TP53BP1: variants seen among roughly 807,000 people sequenced by gnomAD.
The protein encoded by TP53BP1 is tumor protein p53 binding protein 1, also known as TP53-binding protein 1.
TP53BP1 carries 61 observed loss-of-function variants against 200.8 expected under a neutral mutation model. That is an observed-to-expected ratio of 0.30 (90% CI 0.25 to 0.38). The LOEUF is 0.38. TP53BP1 is among the 10% of genes least tolerant of loss of function. The pLI is 1.00. For synonymous variants in TP53BP1, 822 were observed against 844.3 expected (o/e 0.97, Z 0.46); for missense variants, 2,144 against 2,371.9 (o/e 0.90, Z 2.00).
rs368585225 is a variant in TP53BP1, at chr15:43,445,693, T to A, written c.3040+694A>T. Among the ~76,000 whole-genome samples the A allele has an allele frequency of 3.2e-4, 48 of 152,266 alleles. No homozygotes were observed. In the East Asian group the frequency reaches 3.3e-3, roughly 10 times the overall value. On this transcript the variant is annotated intron_variant, in intron 14 of 27. Coordinates refer to ENST00000382044, the MANE Select transcript of TP53BP1 (RefSeq NM_001141980.3). ...TATATGTGAAGAGTCATTCTCTCTT[T>A]TTTTCCTCCCCCTTACTTCCATATT...
rs147001430 is a variant in TP53BP1, at chr15:43,438,339, G to A, written c.3176C>T (p.Pro1059Leu). Residue 1059 changes from proline (P) to leucine (L), a missense_variant, in exon 16 of 28, where the codon CCC becomes CTC. By Grantham distance (98) the Pro-to-Leu change is moderately conservative. Coordinates refer to ENST00000382044, the MANE Select transcript of TP53BP1 (RefSeq NM_001141980.3). ...QENEARSEDP[P>L]TTPIRGNLLH... ...TAATGCTTACCTGATGGGTGTGGTG[G>A]GGGGATCCTCACTTCGAGCCTCATT... 18 of 1,613,620 alleles carry A rather than the reference G, an allele frequency of 1.1e-5. No individual in the cohort carries two copies. The highest frequency in any genetic ancestry group is 6.7e-5 in the African/African-American group (5 of 75,008).
chr15:43,429,333 T>C (rs2045620053), intron 17 of TP53BP1, among the ~76,000 whole-genome samples: 1 of 152,314 alleles, frequency 6.6e-6, no homozygotes, highest in East Asian at 1.9e-4. Flanking sequence ...AAAAAATACA[T>C]GTTTTCTAAT....
chr15:43,420,675 A>C lies in TP53BP1; in HGVS notation c.4311T>G (p.Asp1437Glu). Residue 1437 changes from aspartate to glutamate, a missense_variant, in exon 21 of 28, where the codon GAT (aspartate) becomes GAG (glutamate). Asp to Glu is a conservative substitution (Grantham distance 45, BLOSUM62 2). Coordinates refer to ENST00000382044, the MANE Select transcript of TP53BP1 (RefSeq NM_001141980.3). ...GCACGACACGGCTGAAGGATTTATC[A>C]TCTGGTGACAAGTTAGGTGAAATGT... The part of the protein sequence containing the change: ...IEDISPNLSP[D>E]DKSFSRVVPR... 1 of 1,614,230 alleles carries C rather than the reference A, an allele frequency of 6.2e-7. No individual in the cohort carries two copies. The highest frequency in any genetic ancestry group is 8.5e-7 in the Non-Finnish European group (1 of 1,180,044).
rs141399824 is a variant in TP53BP1 at position 43,412,225 on chromosome 15, G to A, written c.5305+894C>T. On this transcript the variant is annotated intron_variant, in intron 24 of 27. Transcript: ENST00000382044. ...CTGCAGTCGGTGAGATATAGTTTTG[G>A]TTAATTAGGAAAGAGTCATCCACAC... Among the ~76,000 whole-genome samples the A allele has an allele frequency of 2.6e-4, 40 of 152,280 alleles. No homozygotes were observed. The East Asian group carries it at 7.7e-3, about 29-fold the overall frequency.
intron 13 of TP53BP1, chr15:43,446,981 T>C (rs1267248436): frequency 1.1e-5 from 6 of 522,598 alleles, no homozygotes; most frequent in African/African-American, 7.7e-5. Flanking sequence ...ATCTAAGTTT[T>C]CTTGCCCTGT....
intron 24 of TP53BP1, among the ~76,000 whole-genome samples, chr15:43,410,555 TAAAAA>T (rs553092789): frequency 2.8e-5 from 4 of 142,738 alleles, no homozygotes; most frequent in Middle Eastern, 3.6e-3. Context: ...AATAACACAT[TAAAAA>T]AAAAAAGAAA....
chr15:43,411,633 G>A (rs1169689902), intron 24 of TP53BP1, among the ~76,000 whole-genome samples: 1 of 152,248 alleles, frequency 6.6e-6, no homozygotes, highest in African/African-American at 2.4e-5. Context: ...TTCTGGTACT[G>A]TTGGGCTGCG....
Position 43,415,916 on chromosome 15 carries a change from C to A in TP53BP1, c.4874-107G>T, listed in dbSNP as rs955790289. The A allele has an allele frequency of 7.5e-6, 7 of 938,654 alleles. No homozygotes were observed. The East Asian group carries it at 9.6e-5, about 13-fold the overall frequency. 58.1% of individuals were successfully genotyped at this position (938,654 alleles called of 1,614,324 possible). A position where few individuals can be genotyped will look rare whatever the true frequency, so the allele number is the denominator to read the frequency against. On this transcript the variant is annotated intron_variant, in intron 22 of 27. Transcript: ENST00000382044. ...TCAGACACCACAGTGTTCCTTCCCCCACTTCCCATGAGGCCAAGAAGCTTC... is the reference window on the plus strand; with the variant it reads ...TCAGACACCACAGTGTTCCTTCCCCAACTTCCCATGAGGCCAAGAAGCTTC...
At chr15:43,421,671 A>G in intron 19 of TP53BP1, 184 bp downstream of exon 19, 1 of 809,738 alleles carries the variant, frequency 1.2e-6, no homozygotes, top group Non-Finnish European at 1.9e-6. Flanking sequence ...TACCTGCCAC[A>G]GGGCTCCACC....
intron 19 of TP53BP1, 41 bp downstream of exon 19, chr15:43,421,814 C>T: frequency 6.2e-7 from 1 of 1,609,174 alleles, no homozygotes; most frequent in South Asian, 1.1e-5. Flanking sequence ...AGCAACCCTG[C>T]CCCTGCTGTG....
chr15:43,458,123 C>T (rs564257788), intron 11 of TP53BP1, among the ~76,000 whole-genome samples: 5 of 152,154 alleles, frequency 3.3e-5, no homozygotes, highest in Admixed American at 3.3e-4. Flanking sequence ...TGAAATACCA[C>T]TACACGCAAC....
intron 18 of TP53BP1, 73 bp from the exon 19 acceptor site, chr15:43,422,199 T>C (rs1322579021): frequency 8.6e-6 from 13 of 1,504,532 alleles, no homozygotes; most frequent in Non-Finnish European, 1.2e-5. Flanking sequence ...GGTTGGAAAA[T>C]CCTACAGATG....
intron 11 of TP53BP1, among the ~76,000 whole-genome samples, chr15:43,465,484 C>T (rs2046553242): frequency 1.3e-5 from 2 of 150,548 alleles, no homozygotes; most frequent in African/African-American, 4.9e-5. Flanking sequence ...AAGTAGGAGG[C>T]AAAATAAAAT....
rs754091013 is a variant in TP53BP1 at position 43,475,539 on chromosome 15, G to C, written c.1085+26C>G. On this transcript the variant is annotated intron_variant, in intron 9 of 27. Coordinates refer to ENST00000382044, the MANE Select transcript of TP53BP1 (RefSeq NM_001141980.3). ...AGACTCTCAGGCACATACTGCCTTG[G>C]CATAAGCTATTTTAGGCTTACTTAC... 3 of 1,613,314 alleles carry C rather than the reference G, an allele frequency of 1.9e-6. No individual in the cohort carries two copies. The Admixed American group carries it at 5.0e-5, about 27-fold the overall frequency.
intron 22 of TP53BP1, 53 bp from the exon 23 acceptor site, chr15:43,415,862 G>A: frequency 6.8e-7 from 1 of 1,469,650 alleles, no homozygotes; most frequent in Non-Finnish European, 9.4e-7. Flanking sequence ...ATGAGGCCCT[G>A]AACTCCAAGA....
At chr15:43,476,610 G>T (rs950058007) in intron 8 of TP53BP1, among the ~76,000 whole-genome samples, 2 of 152,208 alleles carry the variant, frequency 1.3e-5, no homozygotes, top group African/African-American at 2.4e-5. Flanking sequence ...CAGTGTAAAA[G>T]AATTTCTTAA....
At chr15:43,491,833 CA>C in intron 3 of TP53BP1, 80 bp from the exon 4 acceptor site, 1 of 1,247,548 alleles carries the variant, frequency 8.0e-7, no homozygotes. Flanking sequence ...CAGACAATAC[CA>C]ATCTAATCAG....
intron 5 of TP53BP1, among the ~76,000 whole-genome samples, 165 bp downstream of exon 5, chr15:43,480,730 C>T (rs571117240): frequency 6.6e-6 from 1 of 152,254 alleles, no homozygotes; most frequent in African/African-American, 2.4e-5. Flanking sequence ...TTCCTGAATA[C>T]CAAATCAGGT....
In TP53BP1 at chr15:43,457,185, G is replaced by C; in HGVS notation, c.1423C>G (p.Gln475Glu). 2 of 1,611,636 alleles carry C rather than the reference G, an allele frequency of 1.2e-6. No individual in the cohort carries two copies. Among genetic ancestry groups the C allele is most frequent in the Non-Finnish European group, 1.7e-6 (2 of 1,179,080 alleles). The change falls in exon 12 of 28, where the codon CAA (glutamine) becomes GAA (glutamate). Residue 475 changes from glutamine to glutamate, a missense_variant. Physicochemically the swap from Gln to Glu is conservative, Grantham distance 29. This residue lies in a region of TP53BP1 where 1,700 missense variants were observed against 1,710.3 expected (regional missense o/e 0.99). Coordinates refer to ENST00000382044, the MANE Select transcript of TP53BP1 (RefSeq NM_001141980.3). Reference protein sequence around the residue: ...IFIPSPSLEEQSNDGKKDGDM... With the variant: ...IFIPSPSLEEESNDGKKDGDM... ...CCATCTTTCTTCCCATCATTTGATT[G>C]TTCTTCCAGACTTGGGGAAGGAATA...
Sources: gnomAD v4.1 joint callset for allele counts (sites outside exome capture counted in the v4.1 genomes callset) on GRCh38, gnomAD v4.1.1 for gene constraint, gnomAD v4.1.1 regional missense constraint, MANE v1.5 for transcripts, NCBI Gene and HGNC (gene_info 2026-07-23, HGNC 2026-07-21) for gene names.